Variants in ZKSCAN7 observed in about 807,000 individuals in gnomAD.
ZKSCAN7 encodes zinc finger with KRAB and SCAN domains 7.
Under a neutral mutation model 65.3 loss-of-function variants are expected in ZKSCAN7, and 38 were observed. The ratio of observed to expected loss-of-function variants is 0.58; its 90% CI spans 0.45 to 0.76. The LOEUF (loss-of-function observed/expected upper bound fraction) is 0.76, where lower values mean the gene tolerates loss of function less well. Ranked by LOEUF, ZKSCAN7 falls within the 30% of genes least tolerant of loss-of-function variation. The probability of loss-of-function intolerance (pLI) is 0.00; values close to 1 mark genes in which losing one functional copy is unlikely to be tolerated. For synonymous variants in ZKSCAN7, 321 were observed against 321.0 expected (o/e 1.00, Z 0.00); for missense variants, 815 against 913.3 (o/e 0.89, Z 1.39).
At chr3:44,559,327 C>T (rs552895340) in intron 2 of ZKSCAN7, among the ~76,000 whole-genome samples, 37 of 152,160 alleles carry the variant, frequency 2.4e-4, no homozygotes, top group African/African-American at 8.0e-4. Context: ...AATTGTTCCC[C>T]TATAATAGAA....
chr3:44,576,925 C>A (rs1699933502), downstream of ZKSCAN7, among the ~76,000 whole-genome samples: 1 of 152,046 alleles, frequency 6.6e-6, no homozygotes, highest in Non-Finnish European at 1.5e-5. Context: ...TGTGGAAAAC[C>A]CTTCAGTCAC....
intron 2 of ZKSCAN7, among the ~76,000 whole-genome samples, chr3:44,559,120 C>G (rs975550997): frequency 5.9e-5 from 9 of 151,896 alleles, no homozygotes; most frequent in African/African-American, 2.2e-4. Flanking sequence ...CTTTTAAGGG[C>G]TTACAACTGA....
chr3:44,555,243 C>T lies in ZKSCAN7; in HGVS notation c.-357C>T, dbSNP rs1699254875. On this transcript the variant is annotated 5_prime_UTR_variant, in exon 1 of 6. Coordinates refer to ENST00000426540, the MANE Select transcript of ZKSCAN7 (RefSeq NM_001288590.2). ...GTCTAACGGGCAGTAGAGTGTCCGG[C>T]TTCGGTGCCGAGTGCCACCGCGAGT... The T allele has an allele frequency of 6.6e-6, 1 of 152,270 alleles. No homozygotes were observed. The highest frequency in any genetic ancestry group is 1.5e-5 in the Non-Finnish European group (1 of 68,058). 9.4% of individuals were successfully genotyped at this position (152,270 alleles called of 1,614,324 possible).
chr3:44,580,017 G>A (rs529095181), intron 5 of ZKSCAN7: 22 of 1,577,652 alleles, frequency 1.4e-5, no homozygotes, highest in Non-Finnish European at 1.8e-5. Context: ...GCTAGGGAAC[G>A]CCCTTTTCTC....
At chr3:44,557,696 T>C in intron 2 of ZKSCAN7, 1 of 611,618 alleles carries the variant, frequency 1.6e-6, no homozygotes. Flanking sequence ...GTTCTGAGCC[T>C]AGCTTCATCC....
At chr3:44,567,842 T>C (rs1699679710) in intron 3 of ZKSCAN7, 70 bp from the exon 4 acceptor site, 11 of 608,188 alleles carry the variant, frequency 1.8e-5, no homozygotes, top group South Asian at 4.1e-5. Context: ...AATCCACTTA[T>C]TGGGAATATA....
Position 44,570,715 on chromosome 3 carries a change from T to C in ZKSCAN7, c.1605T>C (p.Asn535=), listed in dbSNP as rs1304108864. ...AGTGTGGGAGAGCATTCTGTTCCAA[T>C]AGAAATCTCATTGACCATCAGAGAA... is the stretch of plus-strand genomic sequence containing the variant. The part of the protein sequence containing the change: ...CNECGRAFCS[N]RNLIDHQRIH... The change falls in exon 6 of 6, where the codon AAT becomes AAC. Residue 535 remains asparagine, a synonymous_variant. Transcript: ENST00000426540. 2.5e-6 allele frequency: 4 copies of C among 1,613,900 alleles called. No individual in the cohort carries two copies. The highest frequency in any genetic ancestry group is 3.3e-5 in the Admixed American group (2 of 59,992).
chr3:44,571,128 G>T lies in ZKSCAN7; in HGVS notation c.2018G>T (p.Ser673Ile). The stretch of plus-strand genomic sequence containing the variant: ...TGTAATGAGTGTGGGAAGGTATTCA[G>T]TTATAGCTCCAGCCTTATGGTACAT... ...YECNECGKVFSYSSSLMVHQR... is the reference protein window; with the variant it reads ...YECNECGKVFIYSSSLMVHQR... Residue 673 changes from serine (S) to isoleucine (I), a missense_variant, in exon 6 of 6, where the codon AGT becomes ATT. Physicochemically the swap from Ser to Ile is moderately radical, Grantham distance 142. Around this residue, in one of 3 missense-constraint regions of ZKSCAN7, gnomAD observed 578 missense variants for 629.5 expected, o/e 0.92. Transcript: ENST00000426540. 1 of 1,614,136 alleles carries T rather than the reference G, an allele frequency of 6.2e-7. No individual in the cohort carries two copies. Among genetic ancestry groups the T allele is most frequent in the Non-Finnish European group, 8.5e-7 (1 of 1,180,012 alleles).
intron 2 of ZKSCAN7, among the ~76,000 whole-genome samples, chr3:44,560,319 T>C (rs1699430126): frequency 6.7e-6 from 1 of 149,218 alleles, no homozygotes; most frequent in South Asian, 2.1e-4. Flanking sequence ...TCCATGGAAG[T>C]TTGCCAAGAG....
downstream of ZKSCAN7, among the ~76,000 whole-genome samples, chr3:44,575,140 AAAT>A (rs948233584): frequency 6.6e-6 from 1 of 152,116 alleles, no homozygotes; most frequent in African/African-American, 2.4e-5. Flanking sequence ...ATAAATAAAA[AAAT>A]ATATTAGTTG....
chr3:44,581,084 T>A, intron 5 of ZKSCAN7: 1 of 1,119,296 alleles, frequency 8.9e-7, no homozygotes, highest in Non-Finnish European at 1.1e-6. Context: ...CCCGGCGGGC[T>A]AGGGGCTCAG....
chr3:44,572,625 G>A (rs192154555), downstream of ZKSCAN7, among the ~76,000 whole-genome samples: 1,542 of 151,968 alleles, frequency 0.01, 26 homozygotes, highest in African/African-American at 0.035. Flanking sequence ...TGAGGCAGGC[G>A]GATCACGAGG....
At chr3:44,579,129 T>G (rs1185076767) in intron 5 of ZKSCAN7, among the ~76,000 whole-genome samples, 1 of 152,206 alleles carries the variant, frequency 6.6e-6, no homozygotes, top group Admixed American at 6.5e-5. Flanking sequence ...CGCTGCTCGA[T>G]CTCCACGTGG....
intron 5 of ZKSCAN7, chr3:44,580,776 T>C: frequency 1.2e-6 from 2 of 1,612,984 alleles, no homozygotes; most frequent in South Asian, 1.1e-5. Flanking sequence ...ATCCAGGGCG[T>C]AGCGCAAGAG....
In ZKSCAN7 at chr3:44,568,376, C is replaced by A; in HGVS notation, c.754C>A (p.Gln252Lys). The A allele has an allele frequency of 6.2e-7, 1 of 1,614,118 alleles. No individual in the cohort carries two copies. The highest frequency in any genetic ancestry group is 8.5e-7 in the Non-Finnish European group (1 of 1,179,964). The change falls in exon 5 of 6, where the codon CAG (glutamine) becomes AAG (lysine). Residue 252 changes from glutamine (Q) to lysine (K), a missense_variant. By Grantham distance (53) the Gln-to-Lys change is moderately conservative. Around this residue, in one of 3 missense-constraint regions of ZKSCAN7, gnomAD observed 578 missense variants for 629.5 expected, o/e 0.92. Coordinates refer to ENST00000426540, the MANE Select transcript of ZKSCAN7 (RefSeq NM_001288590.2). ...QKKWKSLTLS[Q>K]RALQWNMMPE... ...GAAATGGAAAAGTCTCACACTCAGT[C>A]AGAGAGCCCTGCAGTGGAACATGAT... is the stretch of plus-strand genomic sequence containing the variant.
At chr3:44,565,026 C>T (rs1699591853) in intron 2 of ZKSCAN7, among the ~76,000 whole-genome samples, 1 of 152,226 alleles carries the variant, frequency 6.6e-6, no homozygotes, top group African/African-American at 2.4e-5. Context: ...TGGTCTCGAA[C>T]TCCTGACCTC....
At chr3:44,575,327 G>A (rs1267922516), downstream of ZKSCAN7, among the ~76,000 whole-genome samples, 1 of 152,120 alleles carries the variant, frequency 6.6e-6, no homozygotes, top group Non-Finnish European at 1.5e-5. Context: ...CACTTTGTTA[G>A]GTGTGTAACT....
Position 44,570,543 on chromosome 3 carries a change from A to G in ZKSCAN7, c.1433A>G (p.Gln478Arg). The G allele has an allele frequency of 6.2e-7, 1 of 1,612,526 alleles. No homozygotes were observed. Among genetic ancestry groups the G allele is most frequent in the Non-Finnish European group, 8.5e-7 (1 of 1,178,614 alleles). The change falls in exon 6 of 6, where the codon CAG becomes CGG. Residue 478 changes from glutamine to arginine, a missense_variant. Coordinates refer to ENST00000426540, the MANE Select transcript of ZKSCAN7 (RefSeq NM_001288590.2). ...KCNECAKAFT[Q>R]SSRLTDHQRT... ...AATGAATGTGCAAAAGCCTTTACTC[A>G]GAGTTCCCGACTCACTGACCACCAG...
intron 5 of ZKSCAN7, among the ~76,000 whole-genome samples, chr3:44,582,484 A>G (rs1219873161): frequency 1.3e-5 from 2 of 152,206 alleles, no homozygotes; most frequent in African/African-American, 4.8e-5. Flanking sequence ...CGTTGATTTC[A>G]TTTACCCAAA....
Sources: allele counts gnomAD v4.1 joint callset (sites outside exome capture counted in the v4.1 genomes callset), GRCh38; gene constraint gnomAD v4.1.1; regional missense constraint gnomAD v4.1.1; transcripts MANE v1.5; gene names NCBI Gene and HGNC (gene_info 2026-07-23, HGNC 2026-07-21).